Variants in RAB3C observed in about 807,000 individuals in gnomAD.
RAB3C encodes the protein RAB3C, member RAS oncogene family, also known as ras-related protein Rab-3C.
RAB3C carries 17 observed loss-of-function variants against 26.4 expected under a neutral mutation model. The observed-to-expected ratio is 0.64, with a 90% CI of 0.44 to 0.97. RAB3C has a LOEUF of 0.97. Ranked by LOEUF, RAB3C falls within the 50% of genes least tolerant of loss-of-function variation. The pLI is 0.00. For synonymous variants in RAB3C, 91 were observed against 95.9 expected (o/e 0.95, Z 0.30); for missense variants, 242 against 281.9 (o/e 0.86, Z 1.01).
At chr5:58,652,234 G>A (rs1747668609) in intron 2 of RAB3C, among the ~76,000 whole-genome samples, 1 of 151,482 alleles carries the variant, frequency 6.6e-6, no homozygotes, top group Non-Finnish European at 1.5e-5. Context: ...CTAAGGAATT[G>A]TCCCATAAAG....
intron 3 of RAB3C, among the ~76,000 whole-genome samples, chr5:58,760,639 G>A: frequency 6.6e-6 from 1 of 152,154 alleles, no homozygotes; most frequent in Non-Finnish European, 1.5e-5. Flanking sequence ...TGATGTTTAG[G>A]ACCTAGAATA....
chr5:58,610,567 T>C (rs1003475860), intron 1 of RAB3C, among the ~76,000 whole-genome samples: 10 of 152,118 alleles, frequency 6.6e-5, no homozygotes, highest in African/African-American at 2.2e-4. Flanking sequence ...GTGACAATGA[T>C]TGAGGTTTGA....
At chr5:58,677,492 CA>C (rs1351653946) in intron 2 of RAB3C, among the ~76,000 whole-genome samples, 4 of 152,272 alleles carry the variant, frequency 2.6e-5, no homozygotes, top group South Asian at 2.1e-4. Context: ...AGGAATAAGA[CA>C]GGGGGAAGAA....
At chr5:58,732,101 T>C (rs1430277290) in intron 3 of RAB3C, among the ~76,000 whole-genome samples, 2 of 58,186 alleles carry the variant, frequency 3.4e-5, no homozygotes, top group Non-Finnish European at 9.1e-5. Flanking sequence ...TCTGTTTTGT[T>C]TTTTTTTTTT....
rs531426399 is a variant in RAB3C, at chr5:58,658,731, C to T, written c.252+40861C>T. On this transcript the variant is annotated intron_variant, in intron 2 of 4. Coordinates refer to ENST00000282878, the MANE Select transcript of RAB3C (RefSeq NM_138453.4). ...GCATCTGTGATCAGCAGCAGGGTAG[C>T]ACTACTTCTGAGAGTTAATTGGCTA... 9.2e-5 allele frequency among the ~76,000 whole-genome samples: 14 copies of T among 152,222 alleles called. No homozygotes were observed. In the East Asian group the frequency reaches 2.3e-3, roughly 25 times the overall value.
At chr5:58,830,264 A>C (rs562997948) in intron 4 of RAB3C, among the ~76,000 whole-genome samples, 1 of 152,222 alleles carries the variant, frequency 6.6e-6, no homozygotes, top group Non-Finnish European at 1.5e-5. Flanking sequence ...CTAACAAAGA[A>C]TATACTAATG....
chr5:58,709,645 G>A (rs1459242280), intron 2 of RAB3C, among the ~76,000 whole-genome samples: 1 of 152,188 alleles, frequency 6.6e-6, no homozygotes, highest in Non-Finnish European at 1.5e-5. Flanking sequence ...GCCCGTAATT[G>A]TTGTTGAATT....
chr5:58,800,672 C>A (rs906871327), intron 3 of RAB3C, among the ~76,000 whole-genome samples: 1 of 152,014 alleles, frequency 6.6e-6, no homozygotes, highest in African/African-American at 2.4e-5. Flanking sequence ...CAGGGAAAAT[C>A]ACATTTTGTG....
chr5:58,716,815 A>C (rs1167699699), intron 2 of RAB3C, among the ~76,000 whole-genome samples: 2 of 151,864 alleles, frequency 1.3e-5, no homozygotes, highest in African/African-American at 2.4e-5. Flanking sequence ...AAAAAAAAAA[A>C]AAACAACTCA....
At chr5:58,610,594 A>G (rs927365103) in intron 1 of RAB3C, among the ~76,000 whole-genome samples, 3 of 151,888 alleles carry the variant, frequency 2.0e-5, no homozygotes, top group Non-Finnish European at 2.9e-5. Flanking sequence ...GTGTTTCTGC[A>G]CTTCCAATAC....
chr5:58,745,870 G>A (rs1408951689), intron 3 of RAB3C, among the ~76,000 whole-genome samples: 6 of 152,104 alleles, frequency 3.9e-5, no homozygotes, highest in Non-Finnish European at 8.8e-5. Flanking sequence ...ATTTCCCAAG[G>A]ATATTTCAAA....
At chr5:58,642,109 AT>A (rs1747424400) in intron 2 of RAB3C, among the ~76,000 whole-genome samples, 1 of 152,216 alleles carries the variant, frequency 6.6e-6, no homozygotes, top group Non-Finnish European at 1.5e-5. Context: ...CATTTCTATT[AT>A]CAAGCCATGC....
At chr5:58,599,388 C>A (rs979150091) in intron 1 of RAB3C, among the ~76,000 whole-genome samples, 1 of 152,234 alleles carries the variant, frequency 6.6e-6, no homozygotes, top group East Asian at 1.9e-4. Context: ...ACATCTGAAT[C>A]TAGTCCTGAG....
At chr5:58,755,900 T>A (rs1257770343) in intron 3 of RAB3C, among the ~76,000 whole-genome samples, 6 of 152,192 alleles carry the variant, frequency 3.9e-5, no homozygotes, top group Non-Finnish European at 8.8e-5. Flanking sequence ...CAAATTAACA[T>A]CACATTCTTA....
intron 2 of RAB3C, among the ~76,000 whole-genome samples, chr5:58,657,900 A>G (rs1283280983): frequency 1.3e-5 from 2 of 152,222 alleles, no homozygotes; most frequent in Non-Finnish European, 2.9e-5. Context: ...ATTCAATGCA[A>G]TAAATCTAGT....
chr5:58,815,539 A>G (rs573389019), intron 3 of RAB3C, among the ~76,000 whole-genome samples: 26 of 152,304 alleles, frequency 1.7e-4, no homozygotes, highest in African/African-American at 6.0e-4. Context: ...CTTACTGCAG[A>G]CAGTGTCAGG....
intron 3 of RAB3C, among the ~76,000 whole-genome samples, chr5:58,733,723 C>A (rs1427865317): frequency 6.6e-6 from 1 of 152,192 alleles, no homozygotes; most frequent in African/African-American, 2.4e-5. Flanking sequence ...TCACTTCCTT[C>A]GAAGTGTTTC....
rs1159254200 is a variant in RAB3C at position 58,677,892 on chromosome 5, AGAG to A, written c.253-48107_253-48105del. 5.9e-5 allele frequency among the ~76,000 whole-genome samples: 9 copies of A among 152,326 alleles called. No homozygotes were observed. The East Asian group carries it at 1.7e-3, about 29-fold the overall frequency. On this transcript the variant is annotated intron_variant, in intron 2 of 4. Coordinates refer to ENST00000282878, the MANE Select transcript of RAB3C (RefSeq NM_138453.4). ...TGTGACATATCTTTTGTACCAGCAC[AGAG>A]GACAGGGTAATGACCTAGAATCAAA...
chr5:58,615,139 G>A (rs925522988), intron 1 of RAB3C, among the ~76,000 whole-genome samples: 3 of 152,080 alleles, frequency 2.0e-5, no homozygotes, highest in Non-Finnish European at 4.4e-5. Context: ...ATTTTGGAAT[G>A]GGACCTGAAG....
Sources: gnomAD v4.1 joint callset for allele counts (sites outside exome capture counted in the v4.1 genomes callset) on GRCh38, gnomAD v4.1.1 for gene constraint, MANE v1.5 for transcripts, NCBI Gene and HGNC (gene_info 2026-07-23, HGNC 2026-07-21) for gene names.